The following CFAP46 variants were observed in gnomAD, a reference collection of about 807,000 sequenced individuals.
CFAP46 encodes the protein cilia- and flagella-associated protein 46.
In CFAP46, 245 loss-of-function variants were observed where a neutral mutation model predicts 325.7. The ratio of observed to expected loss-of-function variants is 0.75; its 90% CI spans 0.68 to 0.84. The LOEUF (loss-of-function observed/expected upper bound fraction) is 0.84, where lower values mean the gene tolerates loss of function less well. Among genes scored for constraint, CFAP46 ranks in the 40% least tolerant of loss-of-function variants. The pLI is 0.00. For synonymous variants in CFAP46, 1,523 were observed against 1,495.9 expected (o/e 1.02, Z -0.42); for missense variants, 3,346 against 3,543.0 (o/e 0.94, Z 1.41).
rs778532128 is a variant in CFAP46, at chr10:132,916,537, G to A, written c.2120+12C>T. 2.8e-5 allele frequency: 44 copies of A among 1,544,920 alleles called. No homozygotes were observed. Among genetic ancestry groups the A allele is most frequent in the Admixed American group, 7.9e-5 (4 of 50,456 alleles). On this transcript the variant is annotated intron_variant, in intron 17 of 57. Coordinates refer to ENST00000368586, the MANE Select transcript of CFAP46 (RefSeq NM_001200049.3). Reference sequence around the variant, plus strand: ...CCGGGCGGTGCTCAAGGCCACTGTCGCCTCTGCCCACCTGTATGTGATCCA... The same window carrying A: ...CCGGGCGGTGCTCAAGGCCACTGTCACCTCTGCCCACCTGTATGTGATCCA...
chr10:132,848,237 G>T (rs1190214424), intron 41 of CFAP46, among the ~76,000 whole-genome samples: 1 of 152,196 alleles, frequency 6.6e-6, no homozygotes, highest in Non-Finnish European at 1.5e-5. Flanking sequence ...CAATCATCAA[G>T]TCAGTCAAAC....
rs34659636 is a variant in CFAP46, at chr10:132,865,165, G to A, written c.4890+860C>T. Among the ~76,000 whole-genome samples, 1,260 of 152,364 alleles carry A rather than the reference G, an allele frequency of 8.3e-3. 8 individuals are homozygous for A. The highest frequency in any genetic ancestry group is 0.012 in the Non-Finnish European group (824 of 68,042). Reference sequence around the variant, plus strand: ...AGTGAAAGCAACTCTAAAATCTGGAGAGAAGATGTCACCACGTGTCTGAGG... The same window carrying A: ...AGTGAAAGCAACTCTAAAATCTGGAAAGAAGATGTCACCACGTGTCTGAGG... On this transcript the variant is annotated intron_variant, in intron 35 of 57. Transcript: ENST00000368586.
At chr10:132,816,863 G>A (rs1244584590) in intron 50 of CFAP46, among the ~76,000 whole-genome samples, 2 of 152,192 alleles carry the variant, frequency 1.3e-5, no homozygotes, top group African/African-American at 2.4e-5. Context: ...TTCGGGAACT[G>A]CTTTCTACCC....
At chr10:132,918,609 G>A in intron 15 of CFAP46, 89 bp from the exon 16 acceptor site, 1 of 1,438,814 alleles carries the variant, frequency 7.0e-7, no homozygotes, top group Non-Finnish European at 9.2e-7. Context: ...TGGAGTGCCT[G>A]AGCCTCTCCC....
At chr10:132,822,504 C>CTG (rs1344623627) in intron 50 of CFAP46, among the ~76,000 whole-genome samples, 30 of 101,448 alleles carry the variant, frequency 3.0e-4, no homozygotes, top group Middle Eastern at 0.011. Flanking sequence ...CTGATGTGTG[C>CTG]TGTGTGCTGA....
intron 50 of CFAP46, among the ~76,000 whole-genome samples, chr10:132,822,626 CTGA>C (rs1235014564): frequency 1.7e-5 from 2 of 115,358 alleles, no homozygotes; most frequent in South Asian, 3.2e-4. Context: ...TGTGTGAGTG[CTGA>C]TGTGTGCTGT....
chr10:132,830,418 A>G (rs1370183623), intron 50 of CFAP46, among the ~76,000 whole-genome samples: 1 of 152,226 alleles, frequency 6.6e-6, no homozygotes, highest in Non-Finnish European at 1.5e-5. Context: ...CTGGGATTAC[A>G]GGTGTGAGCC....
Position 132,866,178 on chromosome 10 carries a change from G to A in CFAP46, c.4744-7C>T. ...CCCCATTCATCTTCAAAATCTGTAA[G>A]ATACCGCAGCCCCAGGCGGCACGAT... On this transcript the variant is annotated splice_region_variant and splice_polypyrimidine_tract_variant and intron_variant, in intron 34 of 57. Coordinates refer to ENST00000368586, the MANE Select transcript of CFAP46 (RefSeq NM_001200049.3). The A allele has an allele frequency of 6.6e-7, 1 of 1,515,270 alleles. No individual in the cohort carries two copies. Among genetic ancestry groups the A allele is most frequent in the Non-Finnish European group, 8.9e-7 (1 of 1,129,002 alleles). 93.9% of individuals were successfully genotyped at this position (1,515,270 alleles called of 1,614,324 possible).
At chr10:132,810,731 C>A in intron 56 of CFAP46, 1 of 723,996 alleles carries the variant, frequency 1.4e-6, no homozygotes, top group Non-Finnish European at 2.5e-6. Context: ...GCTGTGGGGA[C>A]CCGGCTCCCG....
intron 17 of CFAP46, 123 bp from the exon 18 acceptor site, chr10:132,913,381 G>GGCC: frequency 2.9e-6 from 1 of 350,508 alleles, no homozygotes; most frequent in Non-Finnish European, 5.7e-6. Flanking sequence ...GGGCGGGTGG[G>GGCC]CGGCGACCAA....
rs1249537129 is a variant in CFAP46 at position 132,833,989 on chromosome 10, C to G, written c.6949+52G>C. 3.8e-6 allele frequency: 6 copies of G among 1,567,438 alleles called. No individual in the cohort carries two copies. The East Asian group carries it at 9.0e-5, about 23-fold the overall frequency. The stretch of plus-strand genomic sequence containing the variant: ...GGGTGGGTGGATCCCAACCCCACCT[C>G]TTCTGGCGGGATGAGCTCCCCAGGC... On this transcript the variant is annotated intron_variant, in intron 49 of 57. Transcript: ENST00000368586.
rs1029446905 is a variant in CFAP46, at chr10:132,845,732, C to T, written c.6438+325G>A. 6.6e-5 allele frequency among the ~76,000 whole-genome samples: 10 copies of T among 152,236 alleles called. No individual in the cohort carries two copies. In the South Asian group the frequency reaches 1.0e-3, roughly 16 times the overall value. On this transcript the variant is annotated intron_variant, in intron 44 of 57. Coordinates refer to ENST00000368586, the MANE Select transcript of CFAP46 (RefSeq NM_001200049.3). ...AACGGAGGCAGGGAACATGCAGCTC[C>T]GATCCACATGAGGCCCTCAGGGCAC...
intron 35 of CFAP46, among the ~76,000 whole-genome samples, chr10:132,864,493 ATGCCTGAGACCTACACACACCTGCCCCCC>A (rs1848778973): frequency 1.4e-5 from 1 of 69,612 alleles, no homozygotes; most frequent in Admixed American, 1.9e-4. Flanking sequence ...ATCTGTCCCC[ATGCCTGAGACCTACACACACCTGCCCCCC>A]TGCCTGAGAC....
intron 24 of CFAP46, among the ~76,000 whole-genome samples, chr10:132,896,624 A>AT (rs1476999265): frequency 6.6e-6 from 1 of 152,252 alleles, no homozygotes; most frequent in Non-Finnish European, 1.5e-5. Context: ...ATGTTCATGG[A>AT]TAGGAAGCCT....
At position 132,884,959 on chromosome 10, in the gene CFAP46, C is replaced by A; in HGVS notation, c.3627+144G>T. On this transcript the variant is annotated intron_variant, in intron 27 of 57. Coordinates refer to ENST00000368586, the MANE Select transcript of CFAP46 (RefSeq NM_001200049.3). The surrounding 1 kb of genome is among the most constrained non-coding windows in gnomAD (Gnocchi z 5.4). ...TCAGCAAGAGGAGTGCCCGGGGCCA[C>A]GCGGTGCATTCTCTGTGCCCGTCAG... The A allele has an allele frequency of 4.7e-6, 4 of 857,132 alleles. No individual in the cohort carries two copies. The highest frequency in any genetic ancestry group is 7.0e-6 in the Non-Finnish European group (4 of 574,066). 53.1% of individuals were successfully genotyped at this position (857,132 alleles called of 1,614,324 possible).
chr10:132,824,695 T>C (rs562825162), intron 50 of CFAP46, among the ~76,000 whole-genome samples: 80 of 50,686 alleles, frequency 1.6e-3, no homozygotes, highest in Non-Finnish European at 2.3e-3. Context: ...GTGCTGTGTG[T>C]GCGCTGATGT....
chr10:132,940,949 A>G, intron 4 of CFAP46, 47 bp downstream of exon 4: 2 of 1,577,756 alleles, frequency 1.3e-6, no homozygotes, highest in Non-Finnish European at 8.7e-7. Context: ...CTGGCTCTGA[A>G]GTCTTTCACC....
At chr10:132,834,275 G>A (rs540421161) in intron 48 of CFAP46, 152 bp from the exon 49 acceptor site, 30 of 723,206 alleles carry the variant, frequency 4.1e-5, no homozygotes, top group Non-Finnish European at 5.4e-5. Flanking sequence ...AGGTGGGGCC[G>A]GGATGAGCCA....
chr10:132,817,992 T>C lies in CFAP46; in HGVS notation c.7118-3078A>G, dbSNP rs1847726344. On this transcript the variant is annotated intron_variant, in intron 50 of 57. Transcript: ENST00000368586. The surrounding 1 kb of genome is among the most constrained non-coding windows in gnomAD (Gnocchi z 4.4). ...GGCTCCTTCTCCTGCTTCTCTTGTG[T>C]GAGGGCTTTCTCATCACCTGGGCCC... 6.6e-6 allele frequency among the ~76,000 whole-genome samples: 1 copy of C among 152,194 alleles called. No individual in the cohort carries two copies. Among genetic ancestry groups the C allele is most frequent in the Non-Finnish European group, 1.5e-5 (1 of 68,030 alleles).
Sources: allele counts gnomAD v4.1 joint callset (sites outside exome capture counted in the v4.1 genomes callset), GRCh38; gene constraint gnomAD v4.1.1; non-coding constraint Gnocchi (gnomAD v3.1); transcripts MANE v1.5; gene names NCBI Gene and HGNC (gene_info 2026-07-23, HGNC 2026-07-21).